Variants in KIF6 observed in about 807,000 individuals in gnomAD.
The protein encoded by KIF6 is kinesin-like protein KIF6.
KIF6 carries 106 observed loss-of-function variants against 112.7 expected under a neutral mutation model. That is an observed-to-expected ratio of 0.94 (90% CI 0.80 to 1.11). The LOEUF is 1.11. Ranked by LOEUF, KIF6 falls within the 50% of genes least tolerant of loss-of-function variation. The pLI is 0.00. For synonymous variants in KIF6, 339 were observed against 339.9 expected (o/e 1.00, Z 0.03); for missense variants, 929 against 964.0 (o/e 0.96, Z 0.48).
At chr6:39,540,628 C>T (rs1477308370) in intron 12 of KIF6, among the ~76,000 whole-genome samples, 2 of 152,216 alleles carry the variant, frequency 1.3e-5, no homozygotes, top group Non-Finnish European at 2.9e-5. Context: ...CGCGCCTGCT[C>T]GGGAGGCAGC....
chr6:39,718,088 G>C (rs1789964862), intron 2 of KIF6, among the ~76,000 whole-genome samples: 1 of 151,866 alleles, frequency 6.6e-6, no homozygotes, highest in Admixed American at 6.6e-5. Flanking sequence ...AAATTAGCCA[G>C]GTGTGGTGTT....
At chr6:39,636,542 G>T (rs548277078) in intron 4 of KIF6, among the ~76,000 whole-genome samples, 8 of 152,022 alleles carry the variant, frequency 5.3e-5, no homozygotes, top group African/African-American at 1.9e-4. Flanking sequence ...GCTTAGCACA[G>T]GTGTCAGAGA....
In KIF6 at chr6:39,336,355, G is replaced by A. The variant is rs544385537; in HGVS notation, c.*177C>T. The A allele has an allele frequency of 1.7e-5, 11 of 630,206 alleles. No individual in the cohort carries two copies. Among genetic ancestry groups the A allele is most frequent in the South Asian group, 9.4e-5 (5 of 53,080 alleles). The allele number at this position is 630,206 out of a possible 1,614,324, so 39.0% of individuals were successfully genotyped here. On this transcript the variant is annotated 3_prime_UTR_variant, in exon 23 of 23. Transcript: ENST00000287152. ...TGGTCAGCCCCAGCCCCAGCCTCTC[G>A]GTGGCCTCCAGGTCAGCATCCTTAA...
intron 5 of KIF6, among the ~76,000 whole-genome samples, chr6:39,619,342 G>C (rs1342901433): frequency 6.6e-6 from 1 of 151,904 alleles, no homozygotes; most frequent in Non-Finnish European, 1.5e-5. Flanking sequence ...TTGGACTCTT[G>C]TAAGTCTGAA....
intron 1 of KIF6, 79 bp downstream of exon 1, chr6:39,725,166 C>T (rs1790465212): frequency 1.6e-6 from 2 of 1,282,628 alleles, no homozygotes; most frequent in Admixed American, 3.8e-5. Context: ...CACCTCCGCC[C>T]AGCCCCTTCG....
At chr6:39,591,199 G>A (rs951504056) in intron 7 of KIF6, among the ~76,000 whole-genome samples, 1 of 152,196 alleles carries the variant, frequency 6.6e-6, no homozygotes, top group Non-Finnish European at 1.5e-5. Flanking sequence ...CTGGGGCGCT[G>A]GGACGGGCTC....
chr6:39,679,054 G>A (rs986635668), intron 3 of KIF6, among the ~76,000 whole-genome samples: 2 of 152,210 alleles, frequency 1.3e-5, no homozygotes, highest in African/African-American at 2.4e-5. Context: ...AGCACACGTT[G>A]AAATAATATG....
intron 13 of KIF6, among the ~76,000 whole-genome samples, chr6:39,510,094 CTTTT>C (rs70984130): frequency 3.0e-5 from 4 of 131,548 alleles, no homozygotes; most frequent in Admixed American, 7.6e-5. Flanking sequence ...CTTTTCTTTT[CTTTT>C]TTTTTTTTTT....
intron 3 of KIF6, among the ~76,000 whole-genome samples, chr6:39,653,264 T>C (rs1283955209): frequency 1.3e-5 from 2 of 152,278 alleles, no homozygotes; most frequent in East Asian, 3.9e-4. Context: ...AGTACTGTTT[T>C]ATAACACCAC....
At chr6:39,531,098 C>T (rs972640609) in intron 13 of KIF6, among the ~76,000 whole-genome samples, 3 of 152,080 alleles carry the variant, frequency 2.0e-5, no homozygotes, top group Non-Finnish European at 4.4e-5. Flanking sequence ...TGTGAGCCTA[C>T]CTCTGCTTAA....
intron 19 of KIF6, chr6:39,353,934 C>T (rs1764449252): frequency 1.7e-6 from 1 of 573,754 alleles, no homozygotes. Context: ...CATGGGGGTG[C>T]CACTGCTCTG....
At chr6:39,676,260 A>C (rs1218906840) in intron 3 of KIF6, among the ~76,000 whole-genome samples, 1 of 152,150 alleles carries the variant, frequency 6.6e-6, no homozygotes, top group Non-Finnish European at 1.5e-5. Flanking sequence ...ATTGCCTGAA[A>C]AAGACCAATT....
At chr6:39,448,143 A>G (rs898120862) in intron 13 of KIF6, among the ~76,000 whole-genome samples, 3 of 152,090 alleles carry the variant, frequency 2.0e-5, no homozygotes, top group African/African-American at 7.2e-5. Context: ...TCTGGCCCAC[A>G]TTATTCATGC....
At chr6:39,523,645 CATATATAT>C (rs56952665) in intron 13 of KIF6, among the ~76,000 whole-genome samples, 3,313 of 31,494 alleles carry the variant, frequency 0.11, 201 homozygotes, top group Non-Finnish European at 0.15. Context: ...TTAATTCTGC[CATATATAT>C]ATATATATAT....
intron 3 of KIF6, among the ~76,000 whole-genome samples, chr6:39,647,637 C>G (rs143129438): frequency 6.6e-6 from 1 of 151,858 alleles, no homozygotes; most frequent in East Asian, 1.9e-4. Context: ...GAAGCAGGGC[C>G]AAGTAAAGTT....
intron 3 of KIF6, chr6:39,691,613 G>T (rs999600136): frequency 3.9e-5 from 6 of 152,136 alleles, no homozygotes; most frequent in Non-Finnish European, 8.8e-5. Context: ...TTGCTTGGTG[G>T]TGATTCCATT....
intron 19 of KIF6, among the ~76,000 whole-genome samples, chr6:39,349,023 C>A (rs116365575): frequency 6.6e-6 from 1 of 152,126 alleles, no homozygotes; most frequent in African/African-American, 2.4e-5. Flanking sequence ...CTGGCTTGCC[C>A]GAGGGTGTGC....
intron 13 of KIF6, among the ~76,000 whole-genome samples, chr6:39,494,586 T>G (rs902668193): frequency 6.6e-6 from 1 of 152,226 alleles, no homozygotes; most frequent in Admixed American, 6.5e-5. Flanking sequence ...TCTAGAATTC[T>G]GAAATCTTTC....
At chr6:39,498,152 C>T (rs537701573) in intron 13 of KIF6, among the ~76,000 whole-genome samples, 48 of 152,226 alleles carry the variant, frequency 3.2e-4, no homozygotes, top group African/African-American at 9.2e-4. Flanking sequence ...ATTTTTCCTC[C>T]TTCCCAATTC....
Sources: allele counts gnomAD v4.1 joint callset (sites outside exome capture counted in the v4.1 genomes callset), GRCh38; gene constraint gnomAD v4.1.1; transcripts MANE v1.5; gene names NCBI Gene and HGNC (gene_info 2026-07-23, HGNC 2026-07-21).